The following CCDC7 variants were observed in gnomAD, a reference collection of about 807,000 sequenced individuals.
CCDC7 encodes the protein coiled-coil domain-containing protein 7.
CCDC7 carries 183 observed loss-of-function variants against 196.9 expected under a neutral mutation model. The ratio of observed to expected loss-of-function variants is 0.93; its 90% CI spans 0.82 to 1.05. The LOEUF (loss-of-function observed/expected upper bound fraction) is 1.05. CCDC7 is among the 50% of genes least tolerant of loss of function. CCDC7 has a pLI of 0.00. For synonymous variants in CCDC7, 525 were observed against 484.6 expected (o/e 1.08, Z -1.10); for missense variants, 1,540 against 1,482.2 (o/e 1.04, Z -0.64).
intron 28 of CCDC7, among the ~76,000 whole-genome samples, chr10:32,740,173 C>G (rs1018787038): frequency 6.6e-6 from 1 of 152,054 alleles, no homozygotes; most frequent in Non-Finnish European, 1.5e-5. Flanking sequence ...TAGAAAGCAG[C>G]TGGAGTTGGA....
At chr10:32,456,500 TA>T in intron 3 of CCDC7, 166 bp downstream of exon 4, 1 of 526,690 alleles carries the variant, frequency 1.9e-6, no homozygotes, top group South Asian at 9.4e-5. Context: ...TCTTTTTTTT[TA>T]ATCATCATCA....
chr10:32,721,201 T>C (rs1231378052), intron 25 of CCDC7, among the ~76,000 whole-genome samples: 1 of 152,196 alleles, frequency 6.6e-6, no homozygotes, highest in Non-Finnish European at 1.5e-5. Flanking sequence ...TTTATAACAC[T>C]ATTTTATGGC....
At chr10:32,478,978 T>G (rs1217294204) in intron 8 of CCDC7, among the ~76,000 whole-genome samples, 2 of 152,288 alleles carry the variant, frequency 1.3e-5, no homozygotes, top group African/African-American at 4.8e-5. Context: ...ATTCAATTTC[T>G]TTTAAATAGG....
intron 8 of CCDC7, among the ~76,000 whole-genome samples, chr10:32,490,957 C>T (rs1172028340): frequency 9.2e-5 from 14 of 152,160 alleles, no homozygotes; most frequent in Non-Finnish European, 4.4e-5. Context: ...TATTGACTCT[C>T]TCAAAGTAAA....
intron 18 of CCDC7, among the ~76,000 whole-genome samples, chr10:32,608,219 C>A (rs1009103686): frequency 6.6e-6 from 1 of 152,032 alleles, no homozygotes; most frequent in Non-Finnish European, 1.5e-5. Context: ...GTCCAGCTAA[C>A]AGTTCATCAA....
At chr10:32,625,208 A>G (rs1013010785) in intron 18 of CCDC7, among the ~76,000 whole-genome samples, 25 of 151,410 alleles carry the variant, frequency 1.7e-4, no homozygotes, top group African/African-American at 5.6e-4. Context: ...TAAGTGTCCA[A>G]TTTTATTTTT....
chr10:32,864,366 C>A (rs1259451767), intron 41 of CCDC7, among the ~76,000 whole-genome samples: 1 of 151,504 alleles, frequency 6.6e-6, no homozygotes, highest in African/African-American at 2.4e-5. Flanking sequence ...CAAGAAGGGA[C>A]AATGCCTTTT....
intron 20 of CCDC7, among the ~76,000 whole-genome samples, chr10:32,639,690 CG>C (rs1331853317): frequency 2.0e-5 from 3 of 150,608 alleles, no homozygotes; most frequent in Non-Finnish European, 4.4e-5. Context: ...TGCAGTGGCA[CG>C]ATCTCGGCTC....
chr10:32,498,223 T>G (rs965009340), intron 9 of CCDC7, among the ~76,000 whole-genome samples: 2 of 152,198 alleles, frequency 1.3e-5, no homozygotes, highest in African/African-American at 2.4e-5. Flanking sequence ...CCTGCTTTTT[T>G]TTGCTTTCCA....
intron 9 of CCDC7, among the ~76,000 whole-genome samples, chr10:32,503,634 G>A (rs1442914408): frequency 6.6e-6 from 1 of 152,158 alleles, no homozygotes; most frequent in African/African-American, 2.4e-5. Context: ...GATTAATGAA[G>A]ACTTGTGAAA....
intron 20 of CCDC7, among the ~76,000 whole-genome samples, chr10:32,655,676 C>A (rs2069681968): frequency 6.6e-6 from 1 of 151,940 alleles, no homozygotes; most frequent in Non-Finnish European, 1.5e-5. Context: ...ACTTGGGATG[C>A]CACCCAAGTA....
chr10:32,453,471 C>A, intron 2 of CCDC7, 35 bp downstream of exon 3: 2 of 1,342,742 alleles, frequency 1.5e-6, no homozygotes, highest in Non-Finnish European at 9.8e-7. Context: ...GAGACATTAA[C>A]ACTGAAAAGG....
chr10:32,493,528 A>G (rs536076288), intron 9 of CCDC7, among the ~76,000 whole-genome samples: 3 of 151,780 alleles, frequency 2.0e-5, no homozygotes, highest in Non-Finnish European at 2.9e-5. Flanking sequence ...AACATGATTT[A>G]TCCCATTTCC....
chr10:32,845,677 G>A, intron 35 of CCDC7, 51 bp downstream of exon 36: 1 of 1,497,804 alleles, frequency 6.7e-7, no homozygotes, highest in South Asian at 1.2e-5. Context: ...TTATATTCCT[G>A]GAGTTAAATT....
intron 21 of CCDC7, among the ~76,000 whole-genome samples, chr10:32,674,550 G>T (rs138157771): frequency 6.6e-6 from 1 of 152,136 alleles, no homozygotes; most frequent in East Asian, 1.9e-4. Flanking sequence ...AGAATTGTGT[G>T]TATTCCGCTG....
At chr10:32,451,967 C>T in intron 1 of CCDC7, 46 bp downstream of exon 2, 1 of 1,561,354 alleles carries the variant, frequency 6.4e-7, no homozygotes, top group South Asian at 1.2e-5. Context: ...CCATGATCAC[C>T]CCAGGTTTAG....
At chr10:32,564,564 C>G (rs939093169) in intron 13 of CCDC7, among the ~76,000 whole-genome samples, 1 of 151,486 alleles carries the variant, frequency 6.6e-6, no homozygotes. Flanking sequence ...AAAAACCAAA[C>G]ACCGCATATT....
intron 20 of CCDC7, among the ~76,000 whole-genome samples, chr10:32,639,849 C>A (rs1352182523): frequency 1.3e-5 from 2 of 152,026 alleles, no homozygotes; most frequent in Non-Finnish European, 2.9e-5. Flanking sequence ...GATCTCCTGA[C>A]CTCGTGATCC....
At chr10:32,518,008 T>C (rs1382853266) in intron 10 of CCDC7, 33 bp downstream of exon 11, 2 of 1,551,240 alleles carry the variant, frequency 1.3e-6, no homozygotes, top group Non-Finnish European at 1.7e-6. Context: ...GAAATTACAC[T>C]TTGTCCTTGA....
Sources: allele counts gnomAD v4.1 joint callset (sites outside exome capture counted in the v4.1 genomes callset), GRCh38; gene constraint gnomAD v4.1.1; transcripts MANE v1.5; gene names NCBI Gene and HGNC (gene_info 2026-07-23, HGNC 2026-07-21).